The following SHB variants were observed in gnomAD, a reference collection of about 807,000 sequenced individuals.
The protein encoded by SHB is SH2 domain containing adaptor protein B.
Under a neutral mutation model 52.3 loss-of-function variants are expected in SHB, and 20 were observed. The observed-to-expected ratio is 0.38, with a 90% CI of 0.27 to 0.56. The LOEUF is 0.56. Among genes scored for constraint, SHB ranks in the 20% least tolerant of loss-of-function variants. The pLI is 0.71. For synonymous variants in SHB, 397 were observed against 316.5 expected, an observed-to-expected ratio of 1.25 and a Z score of -2.70; for missense variants, 825 against 723.3, an observed-to-expected ratio of 1.14 and a Z score of -1.61.
chr9:37,933,140 A>C (rs1832332722), intron 5 of SHB, among the ~76,000 whole-genome samples: 1 of 152,216 alleles, frequency 6.6e-6, no homozygotes, highest in Non-Finnish European at 1.5e-5. Context: ...ACCACCCAGA[A>C]ACCCTGCCAA....
chr9:37,922,491 A>G (rs1380052710), intron 5 of SHB, among the ~76,000 whole-genome samples: 3 of 152,182 alleles, frequency 2.0e-5, no homozygotes, highest in East Asian at 1.9e-4. Flanking sequence ...AAGAGAGTCT[A>G]GACGTCCCCG....
intron 5 of SHB, among the ~76,000 whole-genome samples, chr9:37,941,103 T>A (rs2117868556): frequency 6.6e-6 from 1 of 152,330 alleles, no homozygotes; most frequent in Middle Eastern, 3.4e-3. Flanking sequence ...CTAGCATTCT[T>A]TCCAGCTGTA....
At chr9:37,930,644 T>A (rs1832302605) in intron 5 of SHB, among the ~76,000 whole-genome samples, 1 of 152,182 alleles carries the variant, frequency 6.6e-6, no homozygotes, top group Admixed American at 6.5e-5. Flanking sequence ...ACAAAGCACC[T>A]TATCTAACTT....
rs776107776 is a variant in SHB, at chr9:38,068,223, G to A, written c.423C>T (p.Cys141=). 7.2e-7 allele frequency: 1 copy of A among 1,395,386 alleles called. No individual in the cohort carries two copies. The highest frequency in any genetic ancestry group is 1.6e-5 in the South Asian group (1 of 61,356). The allele number at this position is 1,395,386 out of a possible 1,614,324, so 86.4% of individuals were successfully genotyped here. Residue 141 remains cysteine (C), a synonymous_variant, in exon 1 of 6, where the codon TGC becomes TGT. Transcript: ENST00000377707. ...CGGCGGCCCCCGCGCCCGAGGAGGC[G>A]CAGCAACAGCCCGCGGCGCCCGACG... ...SSASGAAGCC[C]ASSGAGAAAS...
chr9:38,004,126 T>G (rs1321191864), intron 2 of SHB, among the ~76,000 whole-genome samples: 2 of 152,206 alleles, frequency 1.3e-5, no homozygotes, highest in African/African-American at 2.4e-5. Context: ...TGCGGAAGCC[T>G]CTGCTCCAGG....
rs536569003 is a variant in SHB, at chr9:37,943,976, CTG to C, written c.1346+4657_1346+4658del. Among the ~76,000 whole-genome samples, 299 of 152,256 alleles carry C rather than the reference CTG, an allele frequency of 2.0e-3. 2 individuals carry two copies. Among genetic ancestry groups the C allele is most frequent in the South Asian group, 0.011 (51 of 4,824 alleles). ...TGCCAGCCTTTCCAGAGACAGGAAA[CTG>C]TGTTAAGAGTTTGACATTTTCTTGC... On this transcript the variant is annotated intron_variant, in intron 5 of 5. Coordinates refer to ENST00000377707, the MANE Select transcript of SHB (RefSeq NM_003028.3).
chr9:38,001,146 T>C (rs76593340), intron 2 of SHB, among the ~76,000 whole-genome samples: 1,849 of 152,346 alleles, frequency 0.012, 18 homozygotes, highest in Middle Eastern at 0.034. Context: ...TAAATGGACA[T>C]TCTTTTTCAG....
chr9:37,942,920 G>T (rs1362271645), intron 5 of SHB, among the ~76,000 whole-genome samples: 2 of 152,018 alleles, frequency 1.3e-5, no homozygotes, highest in Non-Finnish European at 2.9e-5. Context: ...TCACTGGGGG[G>T]ACAGGGAGGC....
chr9:38,015,230 C>A (rs1564102181), intron 2 of SHB: 1 of 587,074 alleles, frequency 1.7e-6, no homozygotes, highest in Non-Finnish European at 3.0e-6. Flanking sequence ...CCAGGAGAAG[C>A]CACAACAGGG....
In SHB at chr9:37,989,263, A is replaced by T. The variant is rs74477960; in HGVS notation, c.839-14426T>A. On this transcript the variant is annotated intron_variant, in intron 2 of 5. Transcript: ENST00000377707. Reference sequence around the variant, plus strand: ...CAAAGACTGGATCAATTCAAAGTCAAGTCTATGAGGAATTATCTTTATCAC... The same window carrying T: ...CAAAGACTGGATCAATTCAAAGTCATGTCTATGAGGAATTATCTTTATCAC... Among the ~76,000 whole-genome samples the T allele has an allele frequency of 6.0e-3, 918 of 152,294 alleles. 12 individuals carry two copies. The highest frequency in any genetic ancestry group is 0.021 in the African/African-American group (880 of 41,560).
At chr9:38,041,808 A>G (rs1329762911) in intron 1 of SHB, among the ~76,000 whole-genome samples, 1 of 152,186 alleles carries the variant, frequency 6.6e-6, no homozygotes, top group Non-Finnish European at 1.5e-5. Flanking sequence ...CCGAAGCACA[A>G]GCAGAGGAGA....
intron 1 of SHB, among the ~76,000 whole-genome samples, chr9:38,055,409 C>T (rs1011036438): frequency 3.9e-5 from 6 of 152,128 alleles, no homozygotes; most frequent in African/African-American, 9.7e-5. Context: ...ATTGAAGACA[C>T]GGGACACCTG....
chr9:38,047,494 C>T (rs1453993600), intron 1 of SHB, among the ~76,000 whole-genome samples: 2 of 152,204 alleles, frequency 1.3e-5, no homozygotes, highest in Non-Finnish European at 2.9e-5. Context: ...TGCCTGCCTC[C>T]AACAGGGAAG....
intron 4 of SHB, among the ~76,000 whole-genome samples, chr9:37,951,396 T>C (rs1391937799): frequency 6.6e-6 from 1 of 152,218 alleles, no homozygotes; most frequent in East Asian, 1.9e-4. Flanking sequence ...TGAAGGTCCA[T>C]GTTATGCTTT....
intron 1 of SHB, among the ~76,000 whole-genome samples, chr9:38,045,061 A>G (rs1174966794): frequency 2.0e-5 from 3 of 152,228 alleles, no homozygotes; most frequent in African/African-American, 7.2e-5. Flanking sequence ...ATCCTGGCAC[A>G]AGGTCAGAGG....
chr9:37,938,062 G>A (rs1832394173), intron 5 of SHB, among the ~76,000 whole-genome samples: 2 of 152,330 alleles, frequency 1.3e-5, no homozygotes, highest in South Asian at 4.1e-4. Context: ...GGCCAATCAT[G>A]TTTCCTGTGG....
rs1304346682 is a variant in SHB, at chr9:37,965,599, C to T, written c.1054+9023G>A. ...ATCTTTTTTTTTTTTTTTCTCGAGA[C>T]GGAGTCTCACTCTGTTGCCCAGGCT... On this transcript the variant is annotated intron_variant, in intron 3 of 5. Coordinates refer to ENST00000377707, the MANE Select transcript of SHB (RefSeq NM_003028.3). 2.8e-5 allele frequency among the ~76,000 whole-genome samples: 4 copies of T among 143,208 alleles called. No homozygotes were observed. In the South Asian group the frequency reaches 6.6e-4, roughly 23 times the overall value. 94.0% of individuals were successfully genotyped at this position (143,208 alleles called of 152,430 possible).
At chr9:37,945,643 C>T (rs112945597) in intron 5 of SHB, among the ~76,000 whole-genome samples, 40 of 152,326 alleles carry the variant, frequency 2.6e-4, no homozygotes, top group African/African-American at 7.9e-4. Context: ...ATGGGTCACC[C>T]AAATGACAGT....
At chr9:37,960,930 C>T (rs1199375091) in intron 3 of SHB, among the ~76,000 whole-genome samples, 1 of 152,214 alleles carries the variant, frequency 6.6e-6, no homozygotes, top group African/African-American at 2.4e-5. Context: ...GTCAGGCTCA[C>T]CCCACCCTTG....
Sources: gnomAD v4.1 joint callset for allele counts (sites outside exome capture counted in the v4.1 genomes callset) on GRCh38, gnomAD v4.1.1 for gene constraint, MANE v1.5 for transcripts, NCBI Gene and HGNC (gene_info 2026-07-23, HGNC 2026-07-21) for gene names.